NKAIN3: variants seen among roughly 807,000 people sequenced by gnomAD.
NKAIN3 encodes the protein sodium/potassium-transporting ATPase subunit beta-1-interacting protein 3.
Under a neutral mutation model 30.2 loss-of-function variants are expected in NKAIN3, and 25 were observed. That is an observed-to-expected ratio of 0.83 (90% CI 0.60 to 1.16). The LOEUF (loss-of-function observed/expected upper bound fraction) is 1.16. NKAIN3 is among the 50% of genes most tolerant of loss of function. NKAIN3 has a pLI of 0.00. For synonymous variants in NKAIN3, 91 were observed against 89.6 expected (o/e 1.02, Z -0.09); for missense variants, 225 against 254.1 (o/e 0.89, Z 0.78).
chr8:62,254,093 G>A (rs769511222), intron 1 of NKAIN3, among the ~76,000 whole-genome samples: 3 of 151,702 alleles, frequency 2.0e-5, no homozygotes, highest in African/African-American at 4.8e-5. Context: ...ACCATTCTGC[G>A]TTGGCAAATA....
At position 62,412,540 on chromosome 8, in the gene NKAIN3, A is replaced by G. The variant is rs1368412522; in HGVS notation, c.54+163413A>G. Among the ~76,000 whole-genome samples the G allele has an allele frequency of 3.9e-5, 6 of 152,310 alleles. No individual in the cohort carries two copies. The East Asian group carries it at 9.6e-4, about 24-fold the overall frequency. ...GGATGGGAGAAAATATTCCCAAACT[A>G]TGTATCCAACAAAGGTCTACTATCC... is the stretch of plus-strand genomic sequence containing the variant. On this transcript the variant is annotated intron_variant, in intron 1 of 6. Coordinates refer to ENST00000623646, the MANE Select transcript of NKAIN3 (RefSeq NM_001304533.3).
intron 3 of NKAIN3, among the ~76,000 whole-genome samples, chr8:62,630,998 A>C (rs1409078077): frequency 6.6e-6 from 1 of 152,040 alleles, no homozygotes; most frequent in Non-Finnish European, 1.5e-5. Flanking sequence ...ATACGTTTTT[A>C]CTGTTTCCAT....
chr8:62,795,577 T>C (rs898127909), intron 4 of NKAIN3, among the ~76,000 whole-genome samples: 2 of 152,074 alleles, frequency 1.3e-5, no homozygotes, highest in Non-Finnish European at 2.9e-5. Context: ...AACTTCTCAA[T>C]GTCTTCATTT....
At chr8:62,998,747 G>A (rs1804184472) in intron 5 of NKAIN3, among the ~76,000 whole-genome samples, 1 of 152,042 alleles carries the variant, frequency 6.6e-6, no homozygotes, top group Non-Finnish European at 1.5e-5. Flanking sequence ...ATGGTGGTTG[G>A]TCCATTTGTC....
intron 3 of NKAIN3, among the ~76,000 whole-genome samples, chr8:62,614,162 T>C (rs1303677819): frequency 6.6e-6 from 1 of 152,130 alleles, no homozygotes; most frequent in Non-Finnish European, 1.5e-5. Context: ...CCATTCTTCT[T>C]GGGGAGGCTT....
chr8:62,993,565 A>G (rs1367458458), intron 5 of NKAIN3, among the ~76,000 whole-genome samples: 1 of 152,146 alleles, frequency 6.6e-6, no homozygotes, highest in Non-Finnish European at 1.5e-5. Flanking sequence ...CCGGCACTGG[A>G]AAAATCTCTC....
At chr8:62,941,410 A>G (rs1286844461) in intron 5 of NKAIN3, among the ~76,000 whole-genome samples, 1 of 152,180 alleles carries the variant, frequency 6.6e-6, no homozygotes, top group African/African-American at 2.4e-5. Context: ...TGAAGCCACT[A>G]TCACCCTAAG....
At chr8:62,359,727 T>C (rs1306242200) in intron 1 of NKAIN3, among the ~76,000 whole-genome samples, 4 of 152,206 alleles carry the variant, frequency 2.6e-5, no homozygotes, top group African/African-American at 7.2e-5. Flanking sequence ...CTAAACCTCC[T>C]GATGTGGACA....
intron 4 of NKAIN3, among the ~76,000 whole-genome samples, chr8:62,901,896 C>A (rs183032120): frequency 6.6e-6 from 1 of 152,286 alleles, no homozygotes; most frequent in Non-Finnish European, 1.5e-5. Context: ...AGGAGCAGCA[C>A]CTGCAACAGA....
In NKAIN3 at chr8:62,457,989, A is replaced by G. The variant is rs559405564; in HGVS notation, c.55-121550A>G. Among the ~76,000 whole-genome samples, 189 of 152,222 alleles carry G rather than the reference A, an allele frequency of 1.2e-3. 1 individual carries two copies. Among genetic ancestry groups the G allele is most frequent in the Middle Eastern group, 3.4e-3 (1 of 294 alleles). On this transcript the variant is annotated intron_variant, in intron 1 of 6. Transcript: ENST00000623646. The stretch of plus-strand genomic sequence containing the variant: ...CTGATTTTCTGTCTCTTTTATTTTG[A>G]TTCTATGCATAGGTAGGCCCTCGAC...
At chr8:62,327,670 C>T (rs1815189493) in intron 1 of NKAIN3, among the ~76,000 whole-genome samples, 1 of 152,000 alleles carries the variant, frequency 6.6e-6, no homozygotes, top group Non-Finnish European at 1.5e-5. Flanking sequence ...ATGCCAAATG[C>T]ACTGTTTTGA....
At chr8:62,660,074 G>A (rs1397059170) in intron 3 of NKAIN3, among the ~76,000 whole-genome samples, 5 of 152,138 alleles carry the variant, frequency 3.3e-5, no homozygotes, top group African/African-American at 1.2e-4. Context: ...AATGCCTCAG[G>A]GGGAGGTCTG....
At chr8:62,332,245 T>G (rs1815380419) in intron 1 of NKAIN3, among the ~76,000 whole-genome samples, 2 of 152,158 alleles carry the variant, frequency 1.3e-5, no homozygotes, top group African/African-American at 4.8e-5. Context: ...AGTGAGAATG[T>G]TTTAACAGCA....
At chr8:62,787,441 A>T (rs556510966) in intron 4 of NKAIN3, among the ~76,000 whole-genome samples, 1 of 152,208 alleles carries the variant, frequency 6.6e-6, no homozygotes, top group Non-Finnish European at 1.5e-5. Context: ...AATCTCCAAT[A>T]GTTAGCCATG....
intron 3 of NKAIN3, among the ~76,000 whole-genome samples, chr8:62,643,096 C>G (rs879700980): frequency 5.3e-5 from 8 of 151,970 alleles, no homozygotes; most frequent in Non-Finnish European, 1.2e-4. Context: ...TTTGGCCTTT[C>G]TTTAAGATAA....
chr8:62,414,844 G>T (rs1374704114), intron 1 of NKAIN3, among the ~76,000 whole-genome samples: 5 of 151,486 alleles, frequency 3.3e-5, no homozygotes, highest in African/African-American at 4.8e-5. Context: ...TTAATAATTT[G>T]TAAATATTAT....
intron 1 of NKAIN3, among the ~76,000 whole-genome samples, chr8:62,552,034 T>G (rs959273915): frequency 6.6e-6 from 1 of 152,210 alleles, no homozygotes; most frequent in Admixed American, 6.6e-5. Context: ...AGGACATAAT[T>G]CATTTACTAG....
intron 4 of NKAIN3, among the ~76,000 whole-genome samples, chr8:62,763,988 G>A (rs1816754435): frequency 6.6e-6 from 1 of 152,198 alleles, no homozygotes; most frequent in Non-Finnish European, 1.5e-5. Context: ...CATCTCTCTG[G>A]TTGGGGAGGT....
intron 6 of NKAIN3, among the ~76,000 whole-genome samples, chr8:62,957,503 G>A (rs1335402068): frequency 2.6e-5 from 4 of 152,166 alleles, no homozygotes; most frequent in Non-Finnish European, 5.9e-5. Flanking sequence ...GTGAATGGAT[G>A]AACTCTGGGA....
Sources: allele counts gnomAD v4.1 joint callset (sites outside exome capture counted in the v4.1 genomes callset), GRCh38; gene constraint gnomAD v4.1.1; transcripts MANE v1.5; gene names NCBI Gene and HGNC (gene_info 2026-07-23, HGNC 2026-07-21).